Variants in ROBO2 observed in about 807,000 individuals in gnomAD.
ROBO2 encodes the protein roundabout homolog 2.
In ROBO2, 53 loss-of-function variants were observed where a neutral mutation model predicts 160.8. The ratio of observed to expected loss-of-function variants is 0.33; its 90% CI spans 0.26 to 0.41. The LOEUF (loss-of-function observed/expected upper bound fraction) is 0.41, where lower values mean the gene tolerates loss of function less well. Ranked by LOEUF, ROBO2 falls within the 10% of genes least tolerant of loss-of-function variation. The pLI, the probability that ROBO2 is intolerant of heterozygous loss-of-function variation, is 1.00. For synonymous variants in ROBO2, 664 were observed against 611.7 expected (o/e 1.09, Z -1.26); for missense variants, 1,577 against 1,722.4 (o/e 0.92, Z 1.49).
At chr3:77,006,144 A>G (rs954956606) in intron 2 of ROBO2, among the ~76,000 whole-genome samples, 1 of 152,090 alleles carries the variant, frequency 6.6e-6, no homozygotes. Flanking sequence ...TAGTACAAGT[A>G]GTCTTTCCTG....
At chr3:76,720,693 T>G (rs2093451107) in intron 2 of ROBO2, among the ~76,000 whole-genome samples, 1 of 152,236 alleles carries the variant, frequency 6.6e-6, no homozygotes, top group African/African-American at 2.4e-5. Context: ...AATTAGTCAT[T>G]CAGGTAAAAG....
intron 2 of ROBO2, among the ~76,000 whole-genome samples, chr3:76,400,943 A>G (rs906958332): frequency 1.3e-5 from 2 of 151,582 alleles, no homozygotes; most frequent in African/African-American, 4.8e-5. Flanking sequence ...GTGGAGGAAT[A>G]AGTACACATG....
chr3:76,671,266 T>C (rs866979135), intron 2 of ROBO2, among the ~76,000 whole-genome samples: 1 of 152,152 alleles, frequency 6.6e-6, no homozygotes, highest in Non-Finnish European at 1.5e-5. Context: ...TTGGGCTTTT[T>C]TTCCCCCTCA....
chr3:77,214,631 G>T (rs2151132107), intron 2 of ROBO2, among the ~76,000 whole-genome samples: 1 of 152,254 alleles, frequency 6.6e-6, no homozygotes, highest in South Asian at 2.1e-4. Context: ...TATGATGTTA[G>T]CTGGTTATTT....
At chr3:77,244,895 A>T (rs1357000351) in intron 2 of ROBO2, among the ~76,000 whole-genome samples, 1 of 151,058 alleles carries the variant, frequency 6.6e-6, no homozygotes, top group Non-Finnish European at 1.5e-5. Flanking sequence ...AAAAAAAGAA[A>T]AAAAGAAAGA....
chr3:76,234,663 A>G (rs1304309568), intron 2 of ROBO2, among the ~76,000 whole-genome samples: 1 of 152,152 alleles, frequency 6.6e-6, no homozygotes, highest in Admixed American at 6.5e-5. Context: ...CTTGTCATAC[A>G]CTGTTTTTAA....
chr3:76,139,291 T>C (rs1369333733), intron 2 of ROBO2, among the ~76,000 whole-genome samples: 1 of 152,160 alleles, frequency 6.6e-6, no homozygotes, highest in Non-Finnish European at 1.5e-5. Context: ...TTTCCTTTTT[T>C]CTCAAAGGGA....
chr3:77,085,344 A>G (rs1181936176), intron 1 of ROBO2, among the ~76,000 whole-genome samples: 3 of 152,182 alleles, frequency 2.0e-5, no homozygotes, highest in African/African-American at 7.2e-5. Flanking sequence ...TTTTGTAAAC[A>G]GAGCTTATTC....
intron 2 of ROBO2, among the ~76,000 whole-genome samples, chr3:76,606,723 GA>G (rs1409023697): frequency 2.7e-5 from 4 of 150,870 alleles, no homozygotes; most frequent in African/African-American, 4.9e-5. Flanking sequence ...GTTTGTAAAA[GA>G]AAAAAAATAG....
intron 1 of ROBO2, among the ~76,000 whole-genome samples, chr3:77,087,746 G>A (rs1463912541): frequency 6.6e-6 from 1 of 151,392 alleles, no homozygotes; most frequent in African/African-American, 2.4e-5. Flanking sequence ...ATATGTGTGT[G>A]TACATATACA....
intron 2 of ROBO2, among the ~76,000 whole-genome samples, chr3:76,941,496 C>G (rs1441123582): frequency 6.6e-6 from 1 of 152,098 alleles, no homozygotes; most frequent in Non-Finnish European, 1.5e-5. Context: ...TTCTCCCTAC[C>G]TCTCAAGGCT....
At chr3:76,630,178 C>G (rs185697836) in intron 2 of ROBO2, among the ~76,000 whole-genome samples, 234 of 152,300 alleles carry the variant, frequency 1.5e-3, no homozygotes, top group African/African-American at 5.4e-3. Flanking sequence ...CATGTTCTCT[C>G]TATGTCGGCT....
At chr3:77,620,116 T>C (rs924476297) in intron 22 of ROBO2, among the ~76,000 whole-genome samples, 3 of 152,166 alleles carry the variant, frequency 2.0e-5, no homozygotes, top group African/African-American at 2.4e-5. Flanking sequence ...TTCTTCTGAG[T>C]GTGTTCCTAC....
At chr3:77,162,272 T>C (rs934908602) in intron 2 of ROBO2, among the ~76,000 whole-genome samples, 7 of 152,184 alleles carry the variant, frequency 4.6e-5, no homozygotes, top group Non-Finnish European at 1.0e-4. Context: ...TTGTACTGTA[T>C]TTTTTATTTT....
intron 2 of ROBO2, among the ~76,000 whole-genome samples, chr3:77,280,165 C>G (rs77431563): frequency 0.035 from 5,305 of 152,158 alleles, 320 homozygotes; most frequent in African/African-American, 0.12. Flanking sequence ...GGCCTCGATT[C>G]TAATTCTTAT....
At chr3:76,967,325 A>G (rs907298870) in intron 2 of ROBO2, among the ~76,000 whole-genome samples, 12 of 150,780 alleles carry the variant, frequency 8.0e-5, no homozygotes, top group African/African-American at 2.9e-4. Context: ...TCCACCCCAG[A>G]CTTCCAAGTA....
chr3:76,627,431 C>A (rs182049973), intron 2 of ROBO2, among the ~76,000 whole-genome samples: 6 of 152,228 alleles, frequency 3.9e-5, no homozygotes, highest in African/African-American at 1.4e-4. Flanking sequence ...TAGCTGTGCC[C>A]CCAGATAGGC....
chr3:76,825,133 C>T (rs2109208126), intron 2 of ROBO2, among the ~76,000 whole-genome samples: 1 of 152,120 alleles, frequency 6.6e-6, no homozygotes, highest in East Asian at 1.9e-4. Context: ...AGAATACCTT[C>T]CTCTTACACT....
rs542444009 is a variant in ROBO2 at position 77,649,434 on chromosome 3, G to A, written c.*3379G>A. ...ACAGTACCATTGAACTCTAAACTGT[G>A]GTTTATCTTCACTACTGGGAAGCAA... On this transcript the variant is annotated 3_prime_UTR_variant, in exon 26 of 26. Coordinates refer to ENST00000461745, the Ensembl canonical transcript of ROBO2. 2.6e-5 allele frequency: 4 copies of A among 152,078 alleles called. No homozygotes were observed. In the South Asian group the frequency reaches 6.2e-4, roughly 24 times the overall value. The allele number at this position is 152,078 out of a possible 1,614,324, so 9.4% of individuals were successfully genotyped here.
Sources: allele counts gnomAD v4.1 joint callset (sites outside exome capture counted in the v4.1 genomes callset), GRCh38; gene constraint gnomAD v4.1.1; transcripts MANE v1.5; gene names NCBI Gene and HGNC (gene_info 2026-07-23, HGNC 2026-07-21).